The following PHACTR1 variants were observed in gnomAD, a reference collection of about 807,000 sequenced individuals.
PHACTR1 encodes the protein RPEL repeat containing 1.
A neutral mutation model predicts 69.2 loss-of-function variants in PHACTR1; 16 were observed. The observed-to-expected ratio is 0.23, with a 90% CI of 0.16 to 0.35. PHACTR1 has a LOEUF of 0.35. Ranked by LOEUF, PHACTR1 falls within the 10% of genes least tolerant of loss-of-function variation. The pLI is 1.00. For missense variants in PHACTR1, 510 were observed against 734.7 expected, an observed-to-expected ratio of 0.69 and a Z score of 3.54; for synonymous variants, 312 against 284.5, an observed-to-expected ratio of 1.10 and a Z score of -0.97.
chr6:13,112,563 A>G (rs1817206045), intron 5 of PHACTR1, among the ~76,000 whole-genome samples: 1 of 152,066 alleles, frequency 6.6e-6, no homozygotes, highest in Admixed American at 6.6e-5. Flanking sequence ...TGACTTTTTA[A>G]TGATAGTCTG....
chr6:13,154,154 G>GTATTT (rs969515168), intron 5 of PHACTR1, among the ~76,000 whole-genome samples: 7 of 151,998 alleles, frequency 4.6e-5, no homozygotes, highest in African/African-American at 9.7e-5. Context: ...ATACTGCCCT[G>GTATTT]TATTTTATTT....
Position 13,275,696 on chromosome 6 carries a change from G to T in PHACTR1, c.1448-2572G>T, listed in dbSNP as rs919050230. On this transcript the variant is annotated intron_variant, in intron 11 of 14. Transcript: ENST00000332995. This position sits in a 1 kb window ranked among gnomAD's most constrained non-coding sequence, Gnocchi z 4.0. ...ACACCCCTGAGGCTTCAGATCCTCA[G>T]TTATAAACCAGGAGTGGTAGACGAG... The T allele has an allele frequency of 3.9e-5, 6 of 152,150 alleles. No homozygotes were observed. Among genetic ancestry groups the T allele is most frequent in the African/African-American group, 1.4e-4 (6 of 41,406 alleles). The allele number at this position is 152,150 out of a possible 1,614,324, so 9.4% of individuals were successfully genotyped here.
At chr6:13,160,177 GCCTC>G in intron 5 of PHACTR1, 23 bp from the exon 6 acceptor site, 1 of 1,598,352 alleles carries the variant, frequency 6.3e-7, no homozygotes, top group African/African-American at 1.3e-5. Context: ...ACTCACATCT[GCCTC>G]CCTGTTTGTC....
At chr6:12,902,726 T>G (rs1785335768) in intron 4 of PHACTR1, among the ~76,000 whole-genome samples, 1 of 152,224 alleles carries the variant, frequency 6.6e-6, no homozygotes, top group Non-Finnish European at 1.5e-5. Context: ...GATGATTGAA[T>G]GAATCAATAC....
chr6:12,928,641 G>T (rs1202320735), intron 4 of PHACTR1, among the ~76,000 whole-genome samples: 1 of 87,296 alleles, frequency 1.1e-5, no homozygotes, highest in South Asian at 4.2e-4. Context: ...CCATCCATCC[G>T]TTCATGTGGT....
chr6:13,193,370 T>TATATATATATATATATATATA (rs1461827131), intron 7 of PHACTR1, among the ~76,000 whole-genome samples: 2 of 106,230 alleles, frequency 1.9e-5, no homozygotes, highest in Admixed American at 1.9e-4. Flanking sequence ...TATATATATA[T>TATATATATATATATATATATA]ATATATATAT....
chr6:12,831,167 G>A (rs1025997104), intron 4 of PHACTR1, among the ~76,000 whole-genome samples: 1 of 152,206 alleles, frequency 6.6e-6, no homozygotes, highest in South Asian at 2.1e-4. Context: ...ATTGCTCTGT[G>A]CATAGTAGTT....
chr6:13,282,649 A>G (rs545276672), intron 12 of PHACTR1, among the ~76,000 whole-genome samples: 56 of 152,358 alleles, frequency 3.7e-4, no homozygotes, highest in African/African-American at 1.3e-3. Flanking sequence ...CAGAGTTTGC[A>G]TACCATTTGC....
At chr6:13,023,027 TAATAATAATAATAAA>T (rs1801203739) in intron 4 of PHACTR1, among the ~76,000 whole-genome samples, 1 of 151,560 alleles carries the variant, frequency 6.6e-6, no homozygotes, top group South Asian at 2.1e-4. Flanking sequence ...AAAATAATAA[TAATAATAATAATAAA>T]AATAAAGTAC....
chr6:12,933,864 TG>T (rs1789149915), intron 4 of PHACTR1: 1 of 1,612,630 alleles, frequency 6.2e-7, no homozygotes, highest in South Asian at 1.1e-5. Context: ...GTGGTTTGGC[TG>T]CCTTTAGAGG....
At chr6:12,985,880 G>A (rs1796130018) in intron 4 of PHACTR1, among the ~76,000 whole-genome samples, 1 of 150,348 alleles carries the variant, frequency 6.7e-6, no homozygotes, top group Non-Finnish European at 1.5e-5. Flanking sequence ...TTGTTGCCCA[G>A]GCTGGAGTGC....
chr6:13,100,495 ACT>A (rs1814980459), intron 5 of PHACTR1, among the ~76,000 whole-genome samples: 1 of 151,886 alleles, frequency 6.6e-6, no homozygotes, highest in Non-Finnish European at 1.5e-5. Flanking sequence ...CACCTCCAAA[ACT>A]CTCTGTCTCC....
intron 4 of PHACTR1, among the ~76,000 whole-genome samples, chr6:12,873,219 G>A (rs562664902): frequency 1.3e-5 from 2 of 151,914 alleles, no homozygotes; most frequent in East Asian, 3.9e-4. Context: ...ATCTTGCCAT[G>A]TTGCCCAGGC....
intron 4 of PHACTR1, among the ~76,000 whole-genome samples, chr6:12,814,708 A>G (rs7753270): frequency 2.7e-5 from 4 of 150,714 alleles, no homozygotes; most frequent in Admixed American, 2.7e-4. Context: ...AGAAAAAAAA[A>G]CAAAAAAAGC....
intron 4 of PHACTR1, among the ~76,000 whole-genome samples, chr6:12,755,106 T>G (rs2127602099): frequency 6.6e-6 from 1 of 152,334 alleles, no homozygotes; most frequent in South Asian, 2.1e-4. Context: ...CTTAGACTCT[T>G]TGGTCTGAGC....
chr6:13,243,545 T>C (rs1773154489), intron 10 of PHACTR1, among the ~76,000 whole-genome samples: 1 of 152,094 alleles, frequency 6.6e-6, no homozygotes, highest in Admixed American at 6.5e-5. Flanking sequence ...GTGTGGACCT[T>C]GGGCCTATGA....
chr6:12,769,116 G>A (rs932967493), intron 4 of PHACTR1, among the ~76,000 whole-genome samples: 9 of 152,166 alleles, frequency 5.9e-5, no homozygotes, highest in African/African-American at 1.2e-4. Flanking sequence ...TTGGTCAATC[G>A]GTACAGTTAC....
At chr6:12,961,011 T>G (rs551896495) in intron 4 of PHACTR1, among the ~76,000 whole-genome samples, 1 of 152,322 alleles carries the variant, frequency 6.6e-6, no homozygotes, top group Admixed American at 6.5e-5. Context: ...CAAAGGCCCT[T>G]AAGTTTGGCA....
intron 4 of PHACTR1, among the ~76,000 whole-genome samples, chr6:12,898,628 G>A (rs1044383138): frequency 5.3e-5 from 8 of 152,098 alleles, no homozygotes; most frequent in Non-Finnish European, 1.2e-4. Context: ...ACATTGACTC[G>A]CACTGGGACC....
Sources: allele counts gnomAD v4.1 joint callset (sites outside exome capture counted in the v4.1 genomes callset), GRCh38; gene constraint gnomAD v4.1.1; non-coding constraint Gnocchi (gnomAD v3.1); transcripts MANE v1.5; gene names NCBI Gene and HGNC (gene_info 2026-07-23, HGNC 2026-07-21).